CDHR1: variants seen among roughly 807,000 people sequenced by gnomAD.
CDHR1 encodes cadherin related family member 1.
Under a neutral mutation model 72.1 loss-of-function variants are expected in CDHR1, and 61 were observed. That is an observed-to-expected ratio of 0.85 (90% confidence interval 0.69 to 1.05). The LOEUF is 1.05. Among genes scored for constraint, CDHR1 ranks in the 50% least tolerant of loss-of-function variants. The pLI is 0.00. For synonymous variants in CDHR1, 470 were observed against 448.1 expected (o/e 1.05, Z -0.62); for missense variants, 1,186 against 1,115.7 (o/e 1.06, Z -0.90).
chr10:84,212,405 G>A lies in CDHR1; in HGVS notation c.1780G>A (p.Glu594Lys). ...GGTGCTAGGGACCCCAGTGAAAATT[G>A]AGGTAAGTTTTGGAGGCAGCTGAGC... ...TMVLGTPVKI[E>K]AIDEDAEEPN... Residue 594 changes from glutamate to lysine, a missense_variant and splice_region_variant, in exon 15 of 17, where the codon GAG becomes AAG. By Grantham distance (56) the Glu-to-Lys change is moderately conservative. Transcript: ENST00000623527. 3 of 1,613,954 alleles carry A rather than the reference G, an allele frequency of 1.9e-6. No individual in the cohort carries two copies. Among genetic ancestry groups the A allele is most frequent in the South Asian group, 1.1e-5 (1 of 91,074 alleles).
intron 12 of CDHR1, among the ~76,000 whole-genome samples, chr10:84,209,387 T>C (rs1220616447): frequency 6.6e-6 from 1 of 152,160 alleles, no homozygotes; most frequent in African/African-American, 2.4e-5. Flanking sequence ...TTTATAATTA[T>C]ACACATATAC....
In CDHR1 at chr10:84,217,205, T is replaced by G; in HGVS notation, c.*2584T>G. 1.0e-6 allele frequency: 1 copy of G among 985,546 alleles called. No individual in the cohort carries two copies. Among genetic ancestry groups the G allele is most frequent in the Non-Finnish European group, 1.2e-6 (1 of 830,002 alleles). 61.1% of individuals were successfully genotyped at this position (985,546 alleles called of 1,614,324 possible). On this transcript the variant is annotated 3_prime_UTR_variant, in exon 17 of 17. Coordinates refer to ENST00000623527, the MANE Select transcript of CDHR1 (RefSeq NM_033100.4). ...ACGAATGGTGGGCCAAGGGGCTGTCTGCTAGGTCCCAGTAGGACAGGCAGA... is the reference window on the plus strand; with the variant it reads ...ACGAATGGTGGGCCAAGGGGCTGTCGGCTAGGTCCCAGTAGGACAGGCAGA...
chr10:84,202,149 A>G (rs561927881), intron 7 of CDHR1, among the ~76,000 whole-genome samples: 1 of 152,204 alleles, frequency 6.6e-6, no homozygotes, highest in Admixed American at 6.5e-5. Context: ...ATGGGCCAGG[A>G]TCCCCCAGGT....
Position 84,212,229 on chromosome 10 carries a change from G to A in CDHR1, c.1604G>A (p.Ser535Asn). ...TGLIYTQPWASLDAEATARYN... is the reference protein window; with the variant it reads ...TGLIYTQPWANLDAEATARYN... ...CTTATCTACACCCAGCCCTGGGCTA[G>A]CCTGGACGCTGAGGCCACTGCCAGG... The change falls in exon 15 of 17, where the codon AGC becomes AAC. Residue 535 changes from serine (S) to asparagine (N), a missense_variant. Transcript: ENST00000623527. 3 of 1,614,260 alleles carry A rather than the reference G, an allele frequency of 1.9e-6. No individual in the cohort carries two copies. Among genetic ancestry groups the A allele is most frequent in the Non-Finnish European group, 2.5e-6 (3 of 1,180,046 alleles).
At position 84,214,963 on chromosome 10, in the gene CDHR1, C is replaced by G. The variant is rs7908492; in HGVS notation, c.*342C>G. The G allele has an allele frequency of 0.013, 16,365 of 1,236,564 alleles. 1,034 individuals carry two copies. In the African/African-American group the frequency reaches 0.17, roughly 13 times the overall value. The allele number at this position is 1,236,564 out of a possible 1,614,324, so 76.6% of individuals were successfully genotyped here. ...TCACCCATCCCAGACCTCACAGTCC[C>G]TCAGGTTCTACTGGGATCTCATCAT... On this transcript the variant is annotated 3_prime_UTR_variant, in exon 17 of 17. Transcript: ENST00000623527.
intron 5 of CDHR1, among the ~76,000 whole-genome samples, chr10:84,200,393 C>A (rs10788333): frequency 0.52 from 78,675 of 151,840 alleles, 21,159 homozygotes; most frequent in African/African-American, 0.68. Flanking sequence ...CCCCTCACCA[C>A]GTCTTTTTGC....
At chr10:84,200,903 C>A (rs1842113163) in intron 6 of CDHR1, among the ~76,000 whole-genome samples, 1 of 152,214 alleles carries the variant, frequency 6.6e-6, no homozygotes, top group African/African-American at 2.4e-5. Flanking sequence ...CCTGTCCCCT[C>A]CCTCTTCCAA....
In CDHR1 at chr10:84,214,494, T is replaced by A. The variant is rs780933821; in HGVS notation, c.2453T>A (p.Leu818His). ...QWTVPTVSGS[L>H]TPQPTQPPPK... ...ACCGTGCCTACTGTCTCTGGCTCTCTCACTCCGCAGCCGACCCAACCCCCG... is the reference window on the plus strand; with the variant it reads ...ACCGTGCCTACTGTCTCTGGCTCTCACACTCCGCAGCCGACCCAACCCCCG... Residue 818 changes from leucine to histidine, a missense_variant, in exon 17 of 17, where the codon CTC (leucine) becomes CAC (histidine). By Grantham distance (99) the Leu-to-His change is moderately conservative. Transcript: ENST00000623527. 2.5e-6 allele frequency: 4 copies of A among 1,606,956 alleles called. No homozygotes were observed. The highest frequency in any genetic ancestry group is 3.4e-6 in the Non-Finnish European group (4 of 1,179,368).
At position 84,194,790 on chromosome 10, in the gene CDHR1, C is replaced by A. The variant is rs942472457; in HGVS notation, c.30C>A (p.Ala10=). Reference sequence around the variant, plus strand: ...GGCGCTGCCGGTGGGCCGCCCTGGCCCTGGGGCTGCTGCGCCTCTGCTTGG... The same window carrying A: ...GGCGCTGCCGGTGGGCCGCCCTGGCACTGGGGCTGCTGCGCCTCTGCTTGG... MRRCRWAAL[A]LGLLRLCLAQ... Residue 10 remains alanine (A), a synonymous_variant, in exon 1 of 17, where the codon GCC becomes GCA. Transcript: ENST00000623527. 9.2e-5 allele frequency: 141 copies of A among 1,531,714 alleles called. No homozygotes were observed. The highest frequency in any genetic ancestry group is 1.2e-4 in the Non-Finnish European group (134 of 1,145,578). 94.9% of individuals were successfully genotyped at this position (1,531,714 alleles called of 1,614,324 possible). A position where few individuals can be genotyped will look rare whatever the true frequency, so the allele number is the denominator to read the frequency against.
chr10:84,200,220 T>A (rs1279231655), intron 5 of CDHR1, among the ~76,000 whole-genome samples: 1 of 152,162 alleles, frequency 6.6e-6, no homozygotes, highest in African/African-American at 2.4e-5. Context: ...AGATGTCTCA[T>A]TCTTGCTCTA....
At position 84,216,075 on chromosome 10, in the gene CDHR1, T is replaced by A. The variant is rs2132841324; in HGVS notation, c.*1454T>A. ...AGAAGTCATACAAGGCCTCTGGGGT[T>A]AATACAAATAGGTTGTGCCCTGCTT... On this transcript the variant is annotated 3_prime_UTR_variant, in exon 17 of 17. Coordinates refer to ENST00000623527, the MANE Select transcript of CDHR1 (RefSeq NM_033100.4). The A allele has an allele frequency of 1.0e-6, 1 of 985,454 alleles. No individual in the cohort carries two copies. Among genetic ancestry groups the A allele is most frequent in the African/African-American group, 1.7e-5 (1 of 57,364 alleles). The allele number at this position is 985,454 out of a possible 1,614,324, so 61.0% of individuals were successfully genotyped here.
chr10:84,199,886 A>T (rs976473474), intron 5 of CDHR1, among the ~76,000 whole-genome samples: 8 of 152,170 alleles, frequency 5.3e-5, no homozygotes, highest in Non-Finnish European at 8.8e-5. Context: ...ATGTTTGCTA[A>T]TTCAGGCTGG....
At position 84,214,100 on chromosome 10, in the gene CDHR1, A is replaced by G. The variant is rs766336435; in HGVS notation, c.2059A>G (p.Met687Val). The change falls in exon 17 of 17, where the codon ATG becomes GTG. Residue 687 changes from methionine (M) to valine (V), a missense_variant. Physicochemically the swap from Met to Val is conservative, Grantham distance 21. Coordinates refer to ENST00000623527, the MANE Select transcript of CDHR1 (RefSeq NM_033100.4). Reference sequence around the variant, plus strand: ...CTTTCAGACCCTCTCCCGGAGCCCCATGGCTGCCTTCCTGATACAGACCAA... The same window carrying G: ...CTTTCAGACCCTCTCCCGGAGCCCCGTGGCTGCCTTCCTGATACAGACCAA... ...TDAETLSRSP[M>V]AAFLIQTKDN... is the part of the protein sequence containing the mutation. The G allele has an allele frequency of 1.2e-6, 2 of 1,614,046 alleles. No individual in the cohort carries two copies. Among genetic ancestry groups the G allele is most frequent in the Non-Finnish European group, 1.7e-6 (2 of 1,180,040 alleles).
At position 84,202,976 on chromosome 10, in the gene CDHR1, G is replaced by T. The variant is rs368849406; in HGVS notation, c.640-4G>T. On this transcript the variant is annotated splice_region_variant and splice_polypyrimidine_tract_variant and intron_variant, in intron 7 of 16. Coordinates refer to ENST00000623527, the MANE Select transcript of CDHR1 (RefSeq NM_033100.4). Reference sequence around the variant, plus strand: ...CTCTCCTGTGGCCTCCGATTCTTCTGCAGGATGGCGGTGGGAGGCTTCATG... The same window carrying T: ...CTCTCCTGTGGCCTCCGATTCTTCTTCAGGATGGCGGTGGGAGGCTTCATG... The T allele has an allele frequency of 1.2e-6, 2 of 1,614,072 alleles. No individual in the cohort carries two copies. Among genetic ancestry groups the T allele is most frequent in the African/African-American group, 2.7e-5 (2 of 74,922 alleles).
chr10:84,210,836 CAG>C (rs1589305806), intron 12 of CDHR1, among the ~76,000 whole-genome samples, 163 bp from the exon 13 acceptor site: 1 of 152,118 alleles, frequency 6.6e-6, no homozygotes, highest in South Asian at 2.1e-4. Flanking sequence ...GGGAAGATGC[CAG>C]GCCTTAGAGG....
chr10:84,204,204 T>A (rs1842182098), intron 8 of CDHR1, among the ~76,000 whole-genome samples: 1 of 151,582 alleles, frequency 6.6e-6, no homozygotes, highest in South Asian at 2.1e-4. Flanking sequence ...AGGCTAGAGG[T>A]TAGGGAGCAG....
At chr10:84,206,030 A>C in intron 10 of CDHR1, 103 bp downstream of exon 10, 1 of 829,254 alleles carries the variant, frequency 1.2e-6, no homozygotes. Flanking sequence ...TAGTCTGGGG[A>C]GGGGGCTAGA....
At position 84,214,469 on chromosome 10, in the gene CDHR1, A is replaced by G. The variant is rs1842394499; in HGVS notation, c.2428A>G (p.Thr810Ala). ...VAPSTGAAQW[T>A]VPTVSGSLTP... ...GCCCAGCACTGGCGCAGCCCAGTGG[A>G]CCGTGCCTACTGTCTCTGGCTCTCT... is the stretch of plus-strand genomic sequence containing the variant. Residue 810 changes from threonine (T) to alanine (A), a missense_variant, in exon 17 of 17, where the codon ACC becomes GCC. Coordinates refer to ENST00000623527, the MANE Select transcript of CDHR1 (RefSeq NM_033100.4). 6.2e-7 allele frequency: 1 copy of G among 1,610,458 alleles called. No individual in the cohort carries two copies. Among genetic ancestry groups the G allele is most frequent in the Non-Finnish European group, 8.5e-7 (1 of 1,179,710 alleles).
chr10:84,201,835 G>T lies in CDHR1; in HGVS notation c.554G>T (p.Arg185Leu). The change falls in exon 7 of 17, where the codon CGC (arginine) becomes CTC (leucine). Residue 185 changes from arginine (R) to leucine (L), a missense_variant. Coordinates refer to ENST00000623527, the MANE Select transcript of CDHR1 (RefSeq NM_033100.4). ...QNLHSPFAVDRHSGVLRLQAG... is the reference protein window; with the variant it reads ...QNLHSPFAVDLHSGVLRLQAG... ...CTGCACTCCCCATTTGCCGTGGACCGCCACAGCGGTGTGCTGCGCCTCCAG... is the reference window on the plus strand; with the variant it reads ...CTGCACTCCCCATTTGCCGTGGACCTCCACAGCGGTGTGCTGCGCCTCCAG... The T allele has an allele frequency of 6.2e-7, 1 of 1,610,312 alleles. No individual in the cohort carries two copies.
Sources: allele counts gnomAD v4.1 joint callset (sites outside exome capture counted in the v4.1 genomes callset), GRCh38; gene constraint gnomAD v4.1.1; transcripts MANE v1.5; gene names NCBI Gene and HGNC (gene_info 2026-07-23, HGNC 2026-07-21).